SLA2: variants seen among roughly 807,000 people sequenced by gnomAD.
SLA2 encodes src-like-adapter 2.
A neutral mutation model predicts 27.3 loss-of-function variants in SLA2; 22 were observed. That is an observed-to-expected ratio of 0.81 (90% CI 0.58 to 1.15). The LOEUF is 1.15. Ranked by LOEUF, SLA2 falls within the 50% of genes most tolerant of loss-of-function variation. The probability of loss-of-function intolerance (pLI) is 0.00; values close to 1 mark genes in which losing one functional copy is unlikely to be tolerated. For missense variants in SLA2, 304 were observed against 322.2 expected (o/e 0.94, Z 0.43); for synonymous variants, 131 against 137.8 (o/e 0.95, Z 0.34).
intron 3 of SLA2, among the ~76,000 whole-genome samples, chr20:36,634,186 G>A (rs1299989627): frequency 6.6e-6 from 1 of 151,888 alleles, no homozygotes; most frequent in Non-Finnish European, 1.5e-5. Context: ...CGGTTTCACC[G>A]TGTTGGCCAG....
intron 5 of SLA2, among the ~76,000 whole-genome samples, chr20:36,622,281 G>C (rs2039291446): frequency 6.6e-6 from 1 of 150,996 alleles, no homozygotes; most frequent in African/African-American, 2.4e-5. Context: ...GGAGGCTGAG[G>C]CAGGAGTATC....
intron 1 of SLA2, among the ~76,000 whole-genome samples, chr20:36,645,589 C>T (rs187045440): frequency 9.9e-5 from 15 of 152,130 alleles, no homozygotes; most frequent in Admixed American, 2.6e-4. Flanking sequence ...CTAGGACGGG[C>T]GTGAAGACAA....
intron 1 of SLA2, among the ~76,000 whole-genome samples, chr20:36,644,579 G>A (rs1978286213): frequency 6.6e-6 from 1 of 152,218 alleles, no homozygotes; most frequent in Non-Finnish European, 1.5e-5. Context: ...GCTGTACTCA[G>A]GCTGAAAGCC....
At chr20:36,634,662 C>T in intron 2 of SLA2, 73 bp from the exon 3 acceptor site, 1 of 1,002,272 alleles carries the variant, frequency 1.0e-6, no homozygotes, top group East Asian at 2.9e-5. Context: ...TGGAGTCTGG[C>T]CTGGGTCTGG....
chr20:36,644,460 T>A (rs1978286078), intron 1 of SLA2, among the ~76,000 whole-genome samples: 1 of 152,208 alleles, frequency 6.6e-6, no homozygotes, highest in Non-Finnish European at 1.5e-5. Flanking sequence ...TTAGTTTCCT[T>A]TCCCCTCCTT....
chr20:36,627,171 A>G (rs2039348072), intron 5 of SLA2, among the ~76,000 whole-genome samples: 1 of 152,202 alleles, frequency 6.6e-6, no homozygotes, highest in African/African-American at 2.4e-5. Flanking sequence ...CAGAGGGTCC[A>G]GAGGGAACAG....
Position 36,622,917 on chromosome 20 carries a change from G to C in SLA2, c.383-7543C>G, listed in dbSNP as rs182666950. On this transcript the variant is annotated intron_variant, in intron 5 of 7. Transcript: ENST00000262866. ...CAGATCAGGACCTGAACATTGTTGG[G>C]GGGGATGATGATTCTGCCTACCACA... Among the ~76,000 whole-genome samples the C allele has an allele frequency of 1.4e-4, 21 of 152,286 alleles. No homozygotes were observed. In the East Asian group the frequency reaches 1.5e-3, roughly 11 times the overall value.
chr20:36,617,533 C>CAAA (rs1159077334), intron 5 of SLA2, among the ~76,000 whole-genome samples: 7 of 56,808 alleles, frequency 1.2e-4, no homozygotes, highest in African/African-American at 2.5e-4. Context: ...GACCCTGTCT[C>CAAA]AAAAAAAAAA....
intron 1 of SLA2, among the ~76,000 whole-genome samples, chr20:36,644,868 GTT>G (rs3066378): frequency 0.61 from 49,839 of 81,656 alleles, 13,462 homozygotes; most frequent in Middle Eastern, 0.73. Flanking sequence ...AGAATATTGT[GTT>G]TTTTTTTTTT....
At chr20:36,634,387 G>T in intron 3 of SLA2, 103 bp downstream of exon 3, 4 of 839,658 alleles carry the variant, frequency 4.8e-6, no homozygotes, top group African/African-American at 1.7e-5. Context: ...GAGCTCCAGC[G>T]ATTCTCCCAC....
At chr20:36,618,121 TG>T (rs2039236222) in intron 5 of SLA2, among the ~76,000 whole-genome samples, 1 of 139,284 alleles carries the variant, frequency 7.2e-6, no homozygotes, top group African/African-American at 2.8e-5. Flanking sequence ...CACTCCAGCC[TG>T]GGTGACAGAG....
chr20:36,615,184 G>T (rs1369074914), intron 6 of SLA2, 41 bp downstream of exon 6: 2 of 1,613,474 alleles, frequency 1.2e-6, no homozygotes, highest in South Asian at 2.2e-5. Context: ...CCTCCCCACA[G>T]ACTATCCCAG....
intron 7 of SLA2, 149 bp downstream of exon 7, chr20:36,614,156 C>A: frequency 6.8e-7 from 1 of 1,474,226 alleles, no homozygotes; most frequent in Middle Eastern, 1.8e-4. Context: ...GAGCCTGGGC[C>A]GTGCTCCAGG....
intron 5 of SLA2, among the ~76,000 whole-genome samples, chr20:36,617,041 C>T (rs2039220422): frequency 6.6e-6 from 1 of 151,700 alleles, no homozygotes; most frequent in African/African-American, 2.4e-5. Flanking sequence ...CAGAGCAAGA[C>T]TCTATAAATA....
At chr20:36,630,319 C>G (rs1260205307) in intron 5 of SLA2, among the ~76,000 whole-genome samples, 1 of 152,172 alleles carries the variant, frequency 6.6e-6, no homozygotes, top group Non-Finnish European at 1.5e-5. Context: ...CAAGAACGCC[C>G]AAGGGCAGGA....
At chr20:36,614,806 T>TC in intron 6 of SLA2, 1 of 985,408 alleles carries the variant, frequency 1.0e-6, no homozygotes, top group Non-Finnish European at 1.2e-6. Context: ...AGAGTGCTCT[T>TC]CCCTCTCTGC....
chr20:36,614,074 C>G, intron 7 of SLA2, 88 bp from the exon 8 acceptor site: 1 of 1,564,346 alleles, frequency 6.4e-7, no homozygotes, highest in Non-Finnish European at 8.7e-7. Flanking sequence ...TCTCAAAACC[C>G]TTCACTCCTG....
chr20:36,634,651 G>T, intron 2 of SLA2, 62 bp from the exon 3 acceptor site: 1 of 1,122,758 alleles, frequency 8.9e-7, no homozygotes, highest in Non-Finnish European at 1.3e-6. Flanking sequence ...ATGAGGTCTA[G>T]TGGAGTCTGG....
At position 36,632,677 on chromosome 20, in the gene SLA2, G is replaced by A. The variant is rs746706847; in HGVS notation, c.300C>T (p.Ser100=). ...VSHGWLYEGL[S]REKAEELLLL... The stretch of plus-strand genomic sequence containing the variant: ...ACAGCAGTTCCTCTGCTTTCTCCCT[G>A]CTCAGGCCCTCATACAGCCACCTGG... The change falls in exon 5 of 8, where the codon AGC becomes AGT. Residue 100 remains serine (S), a synonymous_variant. Coordinates refer to ENST00000262866, the MANE Select transcript of SLA2 (RefSeq NM_032214.4). 6.2e-7 allele frequency: 1 copy of A among 1,614,062 alleles called. No homozygotes were observed. Among genetic ancestry groups the A allele is most frequent in the South Asian group, 1.1e-5 (1 of 91,082 alleles).
Sources: gnomAD v4.1 joint callset for allele counts (sites outside exome capture counted in the v4.1 genomes callset) on GRCh38, gnomAD v4.1.1 for gene constraint, MANE v1.5 for transcripts, NCBI Gene and HGNC (gene_info 2026-07-23, HGNC 2026-07-21) for gene names.